The following PLEC variants were observed in gnomAD, a reference collection of about 807,000 sequenced individuals.
PLEC encodes the protein hemidesmosomal protein 1.
In PLEC, 216 loss-of-function variants were observed where a neutral mutation model predicts 392.8. That is an observed-to-expected ratio of 0.55 (90% CI 0.49 to 0.62). The LOEUF is 0.62. PLEC is among the 20% of genes least tolerant of loss of function. PLEC has a pLI of 0.00. For synonymous variants in PLEC, 3,621 were observed against 2,980.6 expected, an observed-to-expected ratio of 1.21 and a Z score of -7.00; for missense variants, 6,863 against 6,563.4, an observed-to-expected ratio of 1.05 and a Z score of -1.58.
At position 143,920,268 on chromosome 8, in the gene PLEC, T is replaced by C. The variant is rs1235685722; in HGVS notation, c.9553A>G (p.Ser3185Gly). 75 of 1,596,680 alleles carry C rather than the reference T, an allele frequency of 4.7e-5. No homozygotes were observed. Among genetic ancestry groups the C allele is most frequent in the Non-Finnish European group, 6.0e-5 (71 of 1,177,214 alleles). ...RADAKAYSDPSTGEPATYGEL... is the reference protein window; with the variant it reads ...RADAKAYSDPGTGEPATYGEL... ...CCGTAGGTGGCCGGCTCCCCTGTGC[T>C]GGGGTCACTGTAGGCCTTGGCGTCG... Residue 3185 changes from serine to glycine, a missense_variant, in exon 32 of 32, where the codon AGC becomes GGC. By Grantham distance (56) the Ser-to-Gly change is moderately conservative. Transcript: ENST00000345136.
chr8:143,937,216 G>A lies in PLEC; in HGVS notation c.291C>T (p.Phe97=), dbSNP rs1554724213. 1 of 1,612,774 alleles carries A rather than the reference G, an allele frequency of 6.2e-7. No individual in the cohort carries two copies. Among genetic ancestry groups the A allele is most frequent in the Non-Finnish European group, 8.5e-7 (1 of 1,179,778 alleles). Residue 97 remains phenylalanine (F), a synonymous_variant, in exon 4 of 32, where the codon TTC becomes TTT. Coordinates refer to ENST00000345136, the MANE Select transcript of PLEC (RefSeq NM_201384.3). ...CAATCTGGACATTCTGCAGCTTGTG[G>A]AAACGCATCCTCCCCTTCTCCCGGG... ...SLPREKGRMR[F]HKLQNVQIAL... is the part of the protein sequence containing the mutation.
rs1486581688 is a variant in PLEC at position 143,934,110 on chromosome 8, G to T, written c.1170-19C>A. Reference sequence around the variant, plus strand: ...CTCCAGCCTGCAGCAGCAGCACAGGGAAGGGGCCGCGTTGGCCGGGTCCGG... The same window carrying T: ...CTCCAGCCTGCAGCAGCAGCACAGGTAAGGGGCCGCGTTGGCCGGGTCCGG... On this transcript the variant is annotated intron_variant, in intron 11 of 31. Coordinates refer to ENST00000345136, the MANE Select transcript of PLEC (RefSeq NM_201384.3). 6.2e-7 allele frequency: 1 copy of T among 1,609,242 alleles called. No homozygotes were observed. The highest frequency in any genetic ancestry group is 2.2e-5 in the East Asian group (1 of 44,548).
Position 143,924,520 on chromosome 8 carries a change from G to A in PLEC, c.5409C>T (p.Ala1803=), listed in dbSNP as rs781879421. 153 of 1,535,524 alleles carry A rather than the reference G, an allele frequency of 1.0e-4. No homozygotes were observed. In the East Asian group the frequency reaches 2.7e-3, roughly 27 times the overall value. ...CTTCCGCCAGGGCACGCAGGCGGGC[G>A]GCCTCCTCGGCCAGCTCGCGGAACC... ...AGRFRELAEE[A]ARLRALAEEA... The change falls in exon 31 of 32, where the codon GCC becomes GCT. Residue 1803 remains alanine, a synonymous_variant. Coordinates refer to ENST00000345136, the MANE Select transcript of PLEC (RefSeq NM_201384.3).
chr8:143,937,195 C>A lies in PLEC; in HGVS notation c.312G>T (p.Gln104His). The A allele has an allele frequency of 6.2e-7, 1 of 1,612,804 alleles. No individual in the cohort carries two copies. The highest frequency in any genetic ancestry group is 8.5e-7 in the Non-Finnish European group (1 of 1,179,822). ...RMRFHKLQNV[Q>H]IALDYLRHRQ... ...GGTGCCGGAGGTAGTCCAGGGCAAT[C>A]TGGACATTCTGCAGCTTGTGGAAAC... The change falls in exon 4 of 32, where the codon CAG (glutamine) becomes CAT (histidine). Residue 104 changes from glutamine (Q) to histidine (H), a missense_variant. By Grantham distance (24) the Gln-to-His change is conservative. Transcript: ENST00000345136.
chr8:143,973,815 G>A (rs370007937), upstream of PLEC, among the ~76,000 whole-genome samples: 31 of 151,940 alleles, frequency 2.0e-4, no homozygotes, highest in East Asian at 5.4e-3. This position sits in a 1 kb window ranked among gnomAD's most constrained non-coding sequence, Gnocchi z 5.6. Flanking sequence ...GTTCCCCGCC[G>A]GGCCGGCGAC....
In PLEC at chr8:143,917,100, C is replaced by G. The variant is rs782789434; in HGVS notation, c.12721G>C (p.Gly4241Arg). The change falls in exon 32 of 32, where the codon GGT (glycine) becomes CGT (arginine). Residue 4241 changes from glycine (G) to arginine (R), a missense_variant. By Grantham distance (125) the Gly-to-Arg change is moderately radical. Transcript: ENST00000345136. ...GAGGAGGAACGGGAGCGGAAACCAC[C>G]GGCGTTGCCCGAGAGCATGTCGGCG... The part of the protein sequence containing the change: ...EFADMLSGNA[G>R]GFRSRSSSVG... 1.2e-6 allele frequency: 2 copies of G among 1,605,470 alleles called. No individual in the cohort carries two copies. Among genetic ancestry groups the G allele is most frequent in the South Asian group, 2.2e-5 (2 of 90,982 alleles).
rs374046943 is a variant in PLEC at position 143,921,233 on chromosome 8, G to T, written c.8588C>A (p.Thr2863Lys). 3.7e-6 allele frequency: 6 copies of T among 1,614,030 alleles called. No individual in the cohort carries two copies. In the African/African-American group the frequency reaches 8.0e-5, roughly 22 times the overall value. The change falls in exon 32 of 32, where the codon ACG becomes AAG. Residue 2863 changes from threonine (T) to lysine (K), a missense_variant. Coordinates refer to ENST00000345136, the MANE Select transcript of PLEC (RefSeq NM_201384.3). ...FFDPNTHENL[T>K]YLQLLERCVE... ...GCAGCGCTCCAGTAGCTGCAGGTAC[G>T]TGAGGTTCTCGTGCGTGTTGGGGTC...
Position 143,931,637 on chromosome 8 carries a change from G to A in PLEC, c.2201C>T (p.Ala734Val). The A allele has an allele frequency of 6.2e-7, 1 of 1,600,590 alleles. No individual in the cohort carries two copies. The change falls in exon 19 of 32, where the codon GCC (alanine) becomes GTC (valine). Residue 734 changes from alanine (A) to valine (V), a missense_variant. Physicochemically the swap from Ala to Val is moderately conservative, Grantham distance 64. Transcript: ENST00000345136. ...CTGCAGCTTCTGCAACTGCCCCTCG[G>A]CCTCCCGCACATCTGAGAAGAACTG... Reference protein sequence around the residue: ...YFQFFSDVREAEGQLQKLQEA... With the variant: ...YFQFFSDVREVEGQLQKLQEA...
Position 143,924,944 on chromosome 8 carries a change from G to A in PLEC, c.4985C>T (p.Ala1662Val). 1 of 1,581,208 alleles carries A rather than the reference G, an allele frequency of 6.3e-7. No homozygotes were observed. Among genetic ancestry groups the A allele is most frequent in the Non-Finnish European group, 8.5e-7 (1 of 1,171,844 alleles). ...AQQKSLAQAE[A>V]EKQKEEAERE... ...CTCCGCCTCCTCCTTCTGCTTCTCA[G>A]CCTCGGCCTGCGCCAGGCTCTTCTG... The change falls in exon 31 of 32, where the codon GCT (alanine) becomes GTT (valine). Residue 1662 changes from alanine (A) to valine (V), a missense_variant. Physicochemically the swap from Ala to Val is moderately conservative, Grantham distance 64 (BLOSUM62 0). Transcript: ENST00000345136.
chr8:143,944,330 G>A (rs1406497059), upstream of PLEC, among the ~76,000 whole-genome samples: 1 of 152,148 alleles, frequency 6.6e-6, no homozygotes, highest in Non-Finnish European at 1.5e-5. Flanking sequence ...CCAGAAGAGG[G>A]GCCCGAGCAG....
At chr8:143,972,198 G>A (rs1223564664) in intron 1 of PLEC, among the ~76,000 whole-genome samples, 5 of 152,306 alleles carry the variant, frequency 3.3e-5, no homozygotes, top group African/African-American at 9.6e-5. Context: ...CCAGGTGGGC[G>A]GCTGCTTCCC....
Position 143,919,850 on chromosome 8 carries a change from C to A in PLEC, c.9971G>T (p.Ser3324Ile). The change falls in exon 32 of 32, where the codon AGC becomes ATC. Residue 3324 changes from serine to isoleucine, a missense_variant. Physicochemically the swap from Ser to Ile is moderately radical, Grantham distance 142. Transcript: ENST00000345136. ...CTTGAGCTGCTCAAACTGGGCTCTG[C>A]TGAGGACCCCGGAAGCCAGGAGCTC... ...ASELLASGVL[S>I]RAQFEQLKDG... 6.2e-7 allele frequency: 1 copy of A among 1,613,160 alleles called. No homozygotes were observed. The highest frequency in any genetic ancestry group is 2.2e-5 in the East Asian group (1 of 44,884).
At position 143,925,581 on chromosome 8, in the gene PLEC, T is replaced by C. The variant is rs1554703274; in HGVS notation, c.4348A>G (p.Ile1450Val). ...CGCACCACGCGGATCTCCTCCTCGA[T>C]GCGCAGCCGGCTGCGCTCAGCCGCC... ...AEAAERSRLR[I>V]EEEIRVVRLQ... The change falls in exon 31 of 32, where the codon ATC becomes GTC. Residue 1450 changes from isoleucine to valine, a missense_variant. Physicochemically the swap from Ile to Val is conservative, Grantham distance 29. Transcript: ENST00000345136. 5.1e-6 allele frequency: 8 copies of C among 1,577,756 alleles called. No individual in the cohort carries two copies. The highest frequency in any genetic ancestry group is 4.6e-5 in the East Asian group (2 of 43,422).
chr8:143,932,606 C>T (rs1554717515), intron 15 of PLEC, 29 bp downstream of exon 15: 1 of 1,611,692 alleles, frequency 6.2e-7, no homozygotes, highest in Non-Finnish European at 8.5e-7. Flanking sequence ...GGCTACCCAC[C>T]TCCCCCGGCT....
rs1824483274 is a variant in PLEC, at chr8:143,925,034, T to C, written c.4895A>G (p.Glu1632Gly). Reference protein sequence around the residue: ...RAREEAERELERWQLKANEAL... With the variant: ...RAREEAERELGRWQLKANEAL... ...CTCGTTGGCCTTGAGCTGCCAGCGC[T>C]CCAGCTCCCGCTCTGCCTCCTCGCG... The change falls in exon 31 of 32, where the codon GAG becomes GGG. Residue 1632 changes from glutamate (E) to glycine (G), a missense_variant. Coordinates refer to ENST00000345136, the MANE Select transcript of PLEC (RefSeq NM_201384.3). The C allele has an allele frequency of 3.2e-6, 5 of 1,560,812 alleles. No homozygotes were observed. Among genetic ancestry groups the C allele is most frequent in the Non-Finnish European group, 4.3e-6 (5 of 1,161,186 alleles).
chr8:143,937,220 C>A lies in PLEC; in HGVS notation c.287G>T (p.Arg96Leu). ...CTGGACATTCTGCAGCTTGTGGAAACGCATCCTCCCCTTCTCCCGGGGCTG... is the reference window on the plus strand; with the variant it reads ...CTGGACATTCTGCAGCTTGTGGAAAAGCATCCTCCCCTTCTCCCGGGGCTG... ...DSLPREKGRM[R>L]FHKLQNVQIA... Residue 96 changes from arginine to leucine, a missense_variant, in exon 4 of 32, where the codon CGT (arginine) becomes CTT (leucine). Coordinates refer to ENST00000345136, the MANE Select transcript of PLEC (RefSeq NM_201384.3). 1 of 1,612,700 alleles carries A rather than the reference C, an allele frequency of 6.2e-7. No homozygotes were observed. Among genetic ancestry groups the A allele is most frequent in the Non-Finnish European group, 8.5e-7 (1 of 1,179,740 alleles).
chr8:143,919,043 G>T lies in PLEC; in HGVS notation c.10778C>A (p.Ser3593Ter). ...CCGCTGCTCCTCGGGGATCAGGTCCGACTGCATCACCTCCCACAGGGACAT... is the reference window on the plus strand; with the variant it reads ...CCGCTGCTCCTCGGGGATCAGGTCCTACTGCATCACCTCCCACAGGGACAT... ...STMSLWEVMQ[S>*]DLIPEEQRAQ... is the part of the protein sequence containing the mutation. Residue 3593 changes from serine to a stop codon, truncating the protein, a stop_gained, in exon 32 of 32, where the codon TCG becomes TAG. Coordinates refer to ENST00000345136, the MANE Select transcript of PLEC (RefSeq NM_201384.3). LOFTEE classifies it high-confidence loss of function. The T allele has an allele frequency of 6.2e-7, 1 of 1,611,196 alleles. No individual in the cohort carries two copies. The highest frequency in any genetic ancestry group is 8.5e-7 in the Non-Finnish European group (1 of 1,180,008).
chr8:143,936,870 C>A, intron 5 of PLEC, 109 bp downstream of exon 5: 2 of 871,840 alleles, frequency 2.3e-6, no homozygotes, highest in Non-Finnish European at 3.7e-6. Context: ...CGCCAGTCAC[C>A]TCCCAGGCCA....
At chr8:143,926,261 C>T (rs563446350) in intron 30 of PLEC, among the ~76,000 whole-genome samples, 1 of 152,348 alleles carries the variant, frequency 6.6e-6, no homozygotes, top group Non-Finnish European at 1.5e-5. Flanking sequence ...CACCACTGGA[C>T]CCCTCTCCCC....
Sources: gnomAD v4.1 joint callset for allele counts (sites outside exome capture counted in the v4.1 genomes callset) on GRCh38, gnomAD v4.1.1 for gene constraint, Gnocchi (gnomAD v3.1) non-coding constraint, MANE v1.5 for transcripts, NCBI Gene and HGNC (gene_info 2026-07-23, HGNC 2026-07-21) for gene names.